MEGF11: variants seen among roughly 807,000 people sequenced by gnomAD.
The protein encoded by MEGF11 is multiple EGF like domains 11, also known as multiple epidermal growth factor-like domains protein 11.
Under a neutral mutation model 146.6 loss-of-function variants are expected in MEGF11, and 126 were observed. The ratio of observed to expected loss-of-function variants is 0.86; its 90% CI spans 0.74 to 1.00. The LOEUF (loss-of-function observed/expected upper bound fraction) is 1.00. Ranked by LOEUF, MEGF11 falls within the 50% of genes least tolerant of loss-of-function variation. MEGF11 has a pLI of 0.00. For synonymous variants in MEGF11, 532 were observed against 583.4 expected (o/e 0.91, Z 1.27); for missense variants, 1,509 against 1,521.2 (o/e 0.99, Z 0.13).
chr15:65,991,720 C>T lies in MEGF11; in HGVS notation c.395-9232G>A, dbSNP rs1247357454. On this transcript the variant is annotated intron_variant, in intron 5 of 25. Coordinates refer to ENST00000395614, the MANE Select transcript of MEGF11 (RefSeq NM_001385028.1). Reference sequence around the variant, plus strand: ...TAGGCTTTAGAAGTCATCTTGTGTACACTCCACATTTTACAGGTCAGGAAA... The same window carrying T: ...TAGGCTTTAGAAGTCATCTTGTGTATACTCCACATTTTACAGGTCAGGAAA... Among the ~76,000 whole-genome samples the T allele has an allele frequency of 2.0e-5, 3 of 152,162 alleles. No individual in the cohort carries two copies. The East Asian group carries it at 5.8e-4, about 29-fold the overall frequency.
At chr15:66,187,660 G>C (rs1435193983) in intron 1 of MEGF11, among the ~76,000 whole-genome samples, 1 of 148,212 alleles carries the variant, frequency 6.7e-6, no homozygotes, top group African/African-American at 2.5e-5. Flanking sequence ...ACAACCCTCG[G>C]AGGGGAGGAG....
rs148241677 is a variant in MEGF11, at chr15:66,043,957, A to G, written c.394+50445T>C. Among the ~76,000 whole-genome samples the G allele has an allele frequency of 1.6e-4, 24 of 152,332 alleles. 1 individual carries two copies. The East Asian group carries it at 4.6e-3, about 29-fold the overall frequency. ...CATTATATTATTCTTTTGCTTTTAT[A>G]TATATTTGAAATATTCCTCAATAAG... On this transcript the variant is annotated intron_variant, in intron 5 of 25. Transcript: ENST00000395614.
At chr15:66,101,155 C>G (rs2086790720) in intron 4 of MEGF11, among the ~76,000 whole-genome samples, 1 of 152,034 alleles carries the variant, frequency 6.6e-6, no homozygotes, top group South Asian at 2.1e-4. Flanking sequence ...GTAGACACTT[C>G]TTCCACATGT....
At chr15:65,941,604 T>TTGA (rs2079994565) in intron 10 of MEGF11, among the ~76,000 whole-genome samples, 1 of 152,246 alleles carries the variant, frequency 6.6e-6, no homozygotes, top group Admixed American at 6.5e-5. Flanking sequence ...CTCCTCTGTA[T>TTGA]TGATGCTCTT....
chr15:65,944,167 G>C (rs534682216), intron 10 of MEGF11, among the ~76,000 whole-genome samples: 1 of 152,284 alleles, frequency 6.6e-6, no homozygotes, highest in Non-Finnish European at 1.5e-5. Context: ...TGGCAGGGTG[G>C]GGAATAGAGT....
intron 1 of MEGF11, among the ~76,000 whole-genome samples, chr15:66,228,104 G>C (rs1255994984): frequency 6.6e-6 from 1 of 152,128 alleles, no homozygotes; most frequent in Non-Finnish European, 1.5e-5. Context: ...GGGTGGAAAG[G>C]TCCTTTAAGT....
intron 10 of MEGF11, among the ~76,000 whole-genome samples, chr15:65,934,690 C>G (rs1378070227): frequency 6.6e-6 from 1 of 152,124 alleles, no homozygotes; most frequent in Non-Finnish European, 1.5e-5. Context: ...GGAAGAGGGG[C>G]TGAAGTTTAA....
At chr15:66,078,023 C>A (rs1208980352) in intron 5 of MEGF11, among the ~76,000 whole-genome samples, 2 of 152,104 alleles carry the variant, frequency 1.3e-5, no homozygotes. Flanking sequence ...AGCCTCCCCA[C>A]CTCCCAAGTG....
chr15:66,044,093 A>C (rs1285487794), intron 5 of MEGF11, among the ~76,000 whole-genome samples: 5 of 152,174 alleles, frequency 3.3e-5, no homozygotes, highest in Non-Finnish European at 1.5e-5. Flanking sequence ...TCTGGGTCTA[A>C]TCTGAGAAAG....
intron 5 of MEGF11, among the ~76,000 whole-genome samples, chr15:66,023,010 G>A (rs573540858): frequency 1.3e-4 from 19 of 151,936 alleles, no homozygotes; most frequent in South Asian, 2.1e-4. Context: ...AAAATTAGCC[G>A]GGTATGGTGG....
At chr15:66,009,370 A>G (rs2082631111) in intron 5 of MEGF11, among the ~76,000 whole-genome samples, 1 of 151,192 alleles carries the variant, frequency 6.6e-6, no homozygotes, top group South Asian at 2.1e-4. Flanking sequence ...AATGCATGTC[A>G]TTCTGGGAAG....
intron 1 of MEGF11, among the ~76,000 whole-genome samples, chr15:66,202,610 ATC>A (rs2091194837): frequency 6.6e-6 from 1 of 152,188 alleles, no homozygotes; most frequent in Non-Finnish European, 1.5e-5. Context: ...TTCCCTCAGT[ATC>A]TCTGAGCAAC....
intron 10 of MEGF11, among the ~76,000 whole-genome samples, chr15:65,937,613 G>A (rs961370046): frequency 1.3e-5 from 2 of 152,168 alleles, no homozygotes; most frequent in African/African-American, 2.4e-5. Context: ...ACTCTGGGCT[G>A]GTGTCCAAGG....
chr15:65,922,746 C>G, intron 14 of MEGF11, 77 bp downstream of exon 14: 1 of 1,527,248 alleles, frequency 6.5e-7, no homozygotes, highest in Non-Finnish European at 8.9e-7. Flanking sequence ...CTCTCTCAGG[C>G]CATGGCTAGT....
At chr15:65,918,186 A>G in intron 15 of MEGF11, 92 bp from the exon 16 acceptor site, 2 of 1,561,496 alleles carry the variant, frequency 1.3e-6, no homozygotes, top group Non-Finnish European at 1.7e-6. Flanking sequence ...CCCAAGCCAC[A>G]GCCATGATCA....
chr15:66,032,855 G>T (rs1003840110), intron 5 of MEGF11, among the ~76,000 whole-genome samples: 1 of 152,146 alleles, frequency 6.6e-6, no homozygotes, highest in African/African-American at 2.4e-5. Flanking sequence ...GCCGAGGTGG[G>T]CAGATCATGA....
At chr15:66,186,873 G>T (rs1049566033) in intron 1 of MEGF11, among the ~76,000 whole-genome samples, 2 of 152,226 alleles carry the variant, frequency 1.3e-5, no homozygotes, top group African/African-American at 4.8e-5. Flanking sequence ...GGGTCACAGA[G>T]CTACTGATGG....
chr15:65,913,504 T>G lies in MEGF11; in HGVS notation c.2710+233A>C, dbSNP rs2078882925. 8.5e-6 allele frequency: 5 copies of G among 589,180 alleles called. No individual in the cohort carries two copies. In the East Asian group the frequency reaches 1.1e-4, roughly 13 times the overall value. The allele number at this position is 589,180 out of a possible 1,614,324, so 36.5% of individuals were successfully genotyped here. A position where few individuals can be genotyped will look rare whatever the true frequency, so the allele number is the denominator to read the frequency against. On this transcript the variant is annotated intron_variant, in intron 20 of 25. Transcript: ENST00000395614. ...GAAGGATAGGGAAGCTCTGGGAAAATGGCAGGAGGCTCCCAACCACAGCTG... is the reference window on the plus strand; with the variant it reads ...GAAGGATAGGGAAGCTCTGGGAAAAGGGCAGGAGGCTCCCAACCACAGCTG...
intron 5 of MEGF11, among the ~76,000 whole-genome samples, chr15:66,005,663 C>T (rs552238513): frequency 1.3e-5 from 2 of 152,236 alleles, no homozygotes; most frequent in African/African-American, 2.4e-5. Context: ...GCATCACGGA[C>T]TTTCAGAGTG....
Sources: allele counts gnomAD v4.1 joint callset (sites outside exome capture counted in the v4.1 genomes callset), GRCh38; gene constraint gnomAD v4.1.1; transcripts MANE v1.5; gene names NCBI Gene and HGNC (gene_info 2026-07-23, HGNC 2026-07-21).